PGM5: variants seen among roughly 807,000 people sequenced by gnomAD.
PGM5 encodes phosphoglucomutase 5.
In PGM5, 23 loss-of-function variants were observed where a neutral mutation model predicts 59.2. That is an observed-to-expected ratio of 0.39 (90% CI 0.28 to 0.55). PGM5 has a LOEUF of 0.55. Ranked by LOEUF, PGM5 falls within the 20% of genes least tolerant of loss-of-function variation. The pLI, the probability that PGM5 is intolerant of heterozygous loss-of-function variation, is 0.66. For synonymous variants in PGM5, 214 were observed against 286.0 expected, an observed-to-expected ratio of 0.75 and a Z score of 2.54; for missense variants, 574 against 748.3, an observed-to-expected ratio of 0.77 and a Z score of 2.72.
At chr9:68,457,441 T>G (rs969157283) in intron 6 of PGM5, among the ~76,000 whole-genome samples, 1 of 152,220 alleles carries the variant, frequency 6.6e-6, no homozygotes, top group Non-Finnish European at 1.5e-5. Flanking sequence ...ATTACTCTGT[T>G]ACTCATAGAG....
chr9:68,467,499 T>C (rs1322412313), intron 7 of PGM5, among the ~76,000 whole-genome samples: 2 of 152,188 alleles, frequency 1.3e-5, no homozygotes, highest in Non-Finnish European at 2.9e-5. Context: ...AGCTTTCTCT[T>C]ACTGATTTGC....
Position 68,376,900 on chromosome 9 carries a change from C to CTTTTTTTCTTTCTT in PGM5, c.262-1298_262-1297insTTTTTTCTTTCTTT, listed in dbSNP as rs1563985085. On this transcript the variant is annotated intron_variant, in intron 1 of 10. Transcript: ENST00000396396. ...TTTCTTTCTTTTTTTCTTTCTTTCTCTCTCTTTCTTTCTTTCTTTTTCTTT... is the reference window on the plus strand; with the variant it reads ...TTTCTTTCTTTTTTTCTTTCTTTCTCTTTTTTTCTTTCTTTCTCTTTCTTTCTTTCTTTTTCTTT... 1.0e-3 allele frequency among the ~76,000 whole-genome samples: 109 copies of CTTTTTTTCTTTCTT among 105,312 alleles called. 6 individuals are homozygous for CTTTTTTTCTTTCTT. The highest frequency in any genetic ancestry group is 3.8e-3 in the African/African-American group (104 of 27,318). 69.1% of individuals were successfully genotyped at this position (105,312 alleles called of 152,430 possible).
chr9:68,484,049 G>A lies in PGM5; in HGVS notation c.1479+1G>A. 6.2e-7 allele frequency: 1 copy of A among 1,612,312 alleles called. No homozygotes were observed. Among genetic ancestry groups the A allele is most frequent in the Non-Finnish European group, 8.5e-7 (1 of 1,179,450 alleles). ...GGATGGCACTGTGACCAAGAAACAG[G>A]TACTTGCTAGGAAATCACTACAACG... On this transcript the variant is annotated splice_donor_variant, in intron 9 of 10. Coordinates refer to ENST00000396396, the MANE Select transcript of PGM5 (RefSeq NM_021965.4). LOFTEE classifies it high-confidence loss of function.
intron 2 of PGM5, among the ~76,000 whole-genome samples, chr9:68,382,074 G>A (rs116417094): frequency 0.011 from 1,576 of 149,992 alleles, 24 homozygotes; most frequent in African/African-American, 0.036. Flanking sequence ...AAGCAATGTT[G>A]AGGAAAAAAA....
At chr9:68,379,068 A>T (rs553188364) in intron 2 of PGM5, among the ~76,000 whole-genome samples, 1 of 152,146 alleles carries the variant, frequency 6.6e-6, no homozygotes, top group African/African-American at 2.4e-5. Flanking sequence ...ATGCATCTCT[A>T]AAAAAGAAAG....
chr9:68,529,757 A>G lies in PGM5; in HGVS notation c.*101A>G. On this transcript the variant is annotated 3_prime_UTR_variant, in exon 11 of 11. Coordinates refer to ENST00000396396, the MANE Select transcript of PGM5 (RefSeq NM_021965.4). The stretch of plus-strand genomic sequence containing the variant: ...TGTTTGTGCCTCTTATGACTTTGGA[A>G]AAACAAAAGATATTTTGCTTTTGGG... 1.5e-6 allele frequency: 1 copy of G among 665,914 alleles called. No homozygotes were observed. 41.3% of individuals were successfully genotyped at this position (665,914 alleles called of 1,614,324 possible). A position where few individuals can be genotyped will look rare whatever the true frequency, so the allele number is the denominator to read the frequency against.
intron 7 of PGM5, among the ~76,000 whole-genome samples, chr9:68,471,650 T>G (rs989695210): frequency 6.7e-6 from 1 of 149,106 alleles, no homozygotes; most frequent in South Asian, 2.1e-4. Flanking sequence ...CTCGGTGCAG[T>G]GGCTCATGCC....
chr9:68,393,683 A>C (rs1822423499), intron 6 of PGM5, among the ~76,000 whole-genome samples: 1 of 152,146 alleles, frequency 6.6e-6, no homozygotes, highest in Admixed American at 6.6e-5. Context: ...CATACATTGC[A>C]AACAAAAGTG....
intron 10 of PGM5, among the ~76,000 whole-genome samples, chr9:68,505,378 T>C (rs925957116): frequency 2.8e-4 from 43 of 152,302 alleles, no homozygotes; most frequent in African/African-American, 9.9e-4. Flanking sequence ...AGTTCTGACA[T>C]TATCTGGATT....
intron 6 of PGM5, chr9:68,405,958 T>A (rs1372950140): frequency 6.6e-6 from 1 of 152,278 alleles, no homozygotes; most frequent in African/African-American, 2.4e-5. Context: ...GGAGTGTTTT[T>A]AAATCATGAT....
chr9:68,430,151 T>C (rs1823318680), intron 6 of PGM5, among the ~76,000 whole-genome samples: 2 of 152,258 alleles, frequency 1.3e-5, no homozygotes, highest in African/African-American at 4.8e-5. Context: ...CTATTAATAA[T>C]TTTAAAAATA....
intron 6 of PGM5, among the ~76,000 whole-genome samples, chr9:68,458,624 C>A (rs1468313655): frequency 6.6e-6 from 1 of 152,096 alleles, no homozygotes; most frequent in South Asian, 2.1e-4. Context: ...ATAAGACAGG[C>A]AAGGCAGGGG....
rs575331267 is a variant in PGM5, at chr9:68,510,183, G to A, written c.1614+10822G>A. Among the ~76,000 whole-genome samples the A allele has an allele frequency of 2.1e-3, 252 of 122,822 alleles. 1 individual carries two copies. The highest frequency in any genetic ancestry group is 7.3e-3 in the African/African-American group (227 of 31,146). 80.6% of individuals were successfully genotyped at this position (122,822 alleles called of 152,430 possible). A position where few individuals can be genotyped will look rare whatever the true frequency, so the allele number is the denominator to read the frequency against. On this transcript the variant is annotated intron_variant, in intron 10 of 10. Transcript: ENST00000396396. ...TTTTTTTTTTTTGAGACAGAGCCTC[G>A]CTCTGTCACTCAGGCTGGAGTGCAG...
chr9:68,496,024 C>T (rs1824477143), intron 9 of PGM5, among the ~76,000 whole-genome samples: 1 of 152,208 alleles, frequency 6.6e-6, no homozygotes, highest in Admixed American at 6.5e-5. Context: ...AATGAATGGA[C>T]ACGACTGTGC....
intron 6 of PGM5, among the ~76,000 whole-genome samples, chr9:68,425,024 T>C (rs1492824): frequency 0.57 from 87,357 of 152,016 alleles, 25,029 homozygotes; most frequent in Admixed American, 0.6. Flanking sequence ...TCTTCATTTG[T>C]TATTCATTGT....
At chr9:68,487,829 C>T (rs1824322292) in intron 9 of PGM5, among the ~76,000 whole-genome samples, 3 of 152,208 alleles carry the variant, frequency 2.0e-5, no homozygotes, top group Non-Finnish European at 4.4e-5. Context: ...ATCGTGTGAG[C>T]AATGGTTGGG....
intron 1 of PGM5, among the ~76,000 whole-genome samples, chr9:68,366,659 G>A (rs1289906886): frequency 6.6e-6 from 1 of 152,272 alleles, no homozygotes; most frequent in East Asian, 1.9e-4. Context: ...GACAAAAGGA[G>A]AAGCTTTGGA....
At chr9:68,502,940 C>T (rs1356382041) in intron 10 of PGM5, among the ~76,000 whole-genome samples, 3 of 152,146 alleles carry the variant, frequency 2.0e-5, no homozygotes, top group African/African-American at 7.2e-5. Flanking sequence ...CCACCCGCCT[C>T]GGCCTCCCAA....
At chr9:68,480,180 G>A (rs1052660806) in intron 8 of PGM5, among the ~76,000 whole-genome samples, 6 of 152,342 alleles carry the variant, frequency 3.9e-5, no homozygotes, top group Non-Finnish European at 7.3e-5. Context: ...TGTGAGAGCC[G>A]TGCAGTCAAA....
Sources: gnomAD v4.1 joint callset for allele counts (sites outside exome capture counted in the v4.1 genomes callset) on GRCh38, gnomAD v4.1.1 for gene constraint, MANE v1.5 for transcripts, NCBI Gene and HGNC (gene_info 2026-07-23, HGNC 2026-07-21) for gene names.